Variants in ISY1 observed in about 807,000 individuals in gnomAD.
ISY1 encodes the protein pre-mRNA-splicing factor ISY1 homolog.
Under a neutral mutation model 54.4 loss-of-function variants are expected in ISY1, and 12 were observed. The ratio of observed to expected loss-of-function variants is 0.22; its 90% CI spans 0.14 to 0.36. ISY1 has a LOEUF of 0.36. Among genes scored for constraint, ISY1 ranks in the 10% least tolerant of loss-of-function variants. ISY1 has a pLI of 1.00. For synonymous variants in ISY1, 96 were observed against 117.9 expected (o/e 0.81, Z 1.20); for missense variants, 282 against 342.2 (o/e 0.82, Z 1.39).
chr3:129,135,532 G>A (rs931490837), intron 7 of ISY1, among the ~76,000 whole-genome samples: 4 of 152,016 alleles, frequency 2.6e-5, no homozygotes, highest in Admixed American at 6.6e-5. Context: ...TTGGGAGGCC[G>A]AGGCGGGAGA....
At chr3:129,141,480 C>T (rs930996709) in intron 6 of ISY1, among the ~76,000 whole-genome samples, 1 of 145,216 alleles carries the variant, frequency 6.9e-6, no homozygotes, top group African/African-American at 2.6e-5. Flanking sequence ...CTAGGCCGGG[C>T]GCAGTGGCTC....
intron 3 of ISY1, among the ~76,000 whole-genome samples, chr3:129,157,651 T>C (rs1381478989): frequency 6.8e-6 from 1 of 146,660 alleles, no homozygotes; most frequent in African/African-American, 2.5e-5. Flanking sequence ...AACCAGGGAG[T>C]TGGAGGTTAC....
intron 7 of ISY1, among the ~76,000 whole-genome samples, chr3:129,139,871 A>T (rs1024974065): frequency 6.6e-6 from 1 of 151,786 alleles, no homozygotes; most frequent in East Asian, 1.9e-4. Flanking sequence ...CTAACTCCCT[A>T]CCTCAGGTGA....
At chr3:129,132,580 G>C (rs1461769794) in intron 9 of ISY1, among the ~76,000 whole-genome samples, 1 of 152,148 alleles carries the variant, frequency 6.6e-6, no homozygotes. Context: ...TCAGCTGAGG[G>C]TTTAGCTTCC....
intron 6 of ISY1, among the ~76,000 whole-genome samples, chr3:129,143,419 T>C (rs1372021749): frequency 2.0e-5 from 3 of 149,318 alleles, no homozygotes; most frequent in African/African-American, 5.0e-5. Flanking sequence ...GGCACAAGAA[T>C]TGCTTGAACC....
chr3:129,160,863 C>A, intron 1 of ISY1, 110 bp downstream of exon 1: 1 of 1,349,810 alleles, frequency 7.4e-7, no homozygotes, highest in East Asian at 2.5e-5. Flanking sequence ...AACTTGAAGC[C>A]CTCAGCACTG....
chr3:129,130,732 A>G (rs186902399), intron 9 of ISY1, 96 bp from the exon 10 acceptor site: 139 of 1,295,336 alleles, frequency 1.1e-4, no homozygotes, highest in Non-Finnish European at 1.4e-4. Context: ...TATTTAAAAG[A>G]AAAAAAAACT....
At chr3:129,137,531 C>T (rs901503323) in intron 7 of ISY1, among the ~76,000 whole-genome samples, 20 of 152,074 alleles carry the variant, frequency 1.3e-4, no homozygotes, top group Non-Finnish European at 2.4e-4. Flanking sequence ...CAACACAACC[C>T]TTTAGAAACT....
chr3:129,138,992 T>C (rs1046229069), intron 7 of ISY1, among the ~76,000 whole-genome samples: 1 of 151,560 alleles, frequency 6.6e-6, no homozygotes, highest in African/African-American at 2.4e-5. Flanking sequence ...TGGAGCGCAG[T>C]GGGACGATCT....
intron 8 of ISY1, 53 bp downstream of exon 8, chr3:129,134,777 GAC>G: frequency 6.5e-7 from 1 of 1,546,446 alleles, no homozygotes; most frequent in African/African-American, 1.4e-5. Flanking sequence ...GTTTTCAAAG[GAC>G]ACAACAGAAA....
In ISY1 at chr3:129,130,041, T is replaced by C; in HGVS notation, c.*40A>G. The C allele has an allele frequency of 6.7e-7, 1 of 1,495,672 alleles. No individual in the cohort carries two copies. Among genetic ancestry groups the C allele is most frequent in the Non-Finnish European group, 9.0e-7 (1 of 1,111,198 alleles). 92.7% of individuals were successfully genotyped at this position (1,495,672 alleles called of 1,614,324 possible). On this transcript the variant is annotated 3_prime_UTR_variant, in exon 11 of 11. Transcript: ENST00000393295. ...GCAGCCCTGGGTCCTGAGGTACCACTGGGGGATGGAAGAACTCCAAGGAGA... is the reference window on the plus strand; with the variant it reads ...GCAGCCCTGGGTCCTGAGGTACCACCGGGGGATGGAAGAACTCCAAGGAGA...
intron 7 of ISY1, among the ~76,000 whole-genome samples, chr3:129,136,109 C>CA (rs1553781052): frequency 6.9e-6 from 1 of 145,448 alleles, no homozygotes; most frequent in East Asian, 2.0e-4. Flanking sequence ...TTAAGTAATT[C>CA]TTTTTTTTTT....
intron 8 of ISY1, 135 bp downstream of exon 8, chr3:129,134,697 A>T: frequency 8.0e-7 from 1 of 1,249,874 alleles, no homozygotes; most frequent in Non-Finnish European, 1.1e-6. Flanking sequence ...GAATTAGCAG[A>T]CCATCACGCC....
intron 5 of ISY1, among the ~76,000 whole-genome samples, chr3:129,152,855 A>T (rs1462430248): frequency 6.6e-6 from 1 of 152,158 alleles, no homozygotes; most frequent in East Asian, 1.9e-4. Context: ...AATGAGTTAC[A>T]AAGTGTTCCC....
chr3:129,154,424 A>G (rs1407720679), intron 5 of ISY1, among the ~76,000 whole-genome samples: 1 of 117,992 alleles, frequency 8.5e-6, no homozygotes, highest in Admixed American at 9.9e-5. Flanking sequence ...TGGGTGACAG[A>G]GCAAGACTCC....
chr3:129,146,981 C>T (rs1936780115), intron 5 of ISY1, among the ~76,000 whole-genome samples: 2 of 151,940 alleles, frequency 1.3e-5, no homozygotes, highest in Admixed American at 1.3e-4. Flanking sequence ...ATCGCTTGAG[C>T]CCAGGAAGTG....
At chr3:129,141,729 G>A (rs1936622643) in intron 6 of ISY1, among the ~76,000 whole-genome samples, 1 of 151,778 alleles carries the variant, frequency 6.6e-6, no homozygotes, top group South Asian at 2.1e-4. Context: ...ACTCCAGCCT[G>A]GGTGACAGAG....
At chr3:129,152,870 C>T (rs1225593158) in intron 5 of ISY1, among the ~76,000 whole-genome samples, 1 of 152,120 alleles carries the variant, frequency 6.6e-6, no homozygotes, top group African/African-American at 2.4e-5. Flanking sequence ...GTTCCCTCTT[C>T]TTCCATTTTC....
intron 7 of ISY1, among the ~76,000 whole-genome samples, chr3:129,139,648 T>C (rs1936546915): frequency 1.4e-5 from 2 of 145,002 alleles, no homozygotes; most frequent in South Asian, 2.2e-4. Context: ...ACTTTTCTCC[T>C]TTTTTTTTTT....
Sources: allele counts gnomAD v4.1 joint callset (sites outside exome capture counted in the v4.1 genomes callset), GRCh38; gene constraint gnomAD v4.1.1; transcripts MANE v1.5; gene names NCBI Gene and HGNC (gene_info 2026-07-23, HGNC 2026-07-21).